The following GALNT13 variants were observed in gnomAD, a reference collection of about 807,000 sequenced individuals.
The protein encoded by GALNT13 is UDP-GalNAc:polypeptide N-acetylgalactosaminyltransferase 13.
Under a neutral mutation model 64.2 loss-of-function variants are expected in GALNT13, and 28 were observed. That is an observed-to-expected ratio of 0.44 (90% confidence interval 0.32 to 0.60). GALNT13 has a LOEUF of 0.60. Ranked by LOEUF, GALNT13 falls within the 20% of genes least tolerant of loss-of-function variation. The pLI, the probability that GALNT13 is intolerant of heterozygous loss-of-function variation, is 0.05. For missense variants in GALNT13, 577 were observed against 669.8 expected, an observed-to-expected ratio of 0.86 and a Z score of 1.53; for synonymous variants, 214 against 224.6, an observed-to-expected ratio of 0.95 and a Z score of 0.42.
At chr2:153,103,824 TCTG>T in the GALNT13 span, among the ~76,000 whole-genome samples, 4 of 152,252 alleles carry the variant, frequency 2.6e-5, no homozygotes, top group Non-Finnish European at 4.4e-5. Flanking sequence ...CAGAAATTAA[TCTG>T]CTGCTTGGCT....
chr2:153,292,182 T>A, the GALNT13 span, among the ~76,000 whole-genome samples: 2 of 152,150 alleles, frequency 1.3e-5, no homozygotes, highest in African/African-American at 4.8e-5. Flanking sequence ...GGCCAAAGGA[T>A]GTGAACCATT....
the GALNT13 span, among the ~76,000 whole-genome samples, chr2:153,509,754 T>G: frequency 6.6e-6 from 1 of 152,206 alleles, no homozygotes; most frequent in East Asian, 1.9e-4. Context: ...GGCTAGACCA[T>G]GCAAAGCTTT....
chr2:154,275,224 C>A (rs1691577532), intron 8 of GALNT13, among the ~76,000 whole-genome samples: 1 of 152,118 alleles, frequency 6.6e-6, no homozygotes, highest in Non-Finnish European at 1.5e-5. Context: ...CAGAAATTTG[C>A]ATAAGTAACA....
At chr2:153,126,273 G>T in the GALNT13 span, among the ~76,000 whole-genome samples, 2 of 134,706 alleles carry the variant, frequency 1.5e-5, no homozygotes, top group East Asian at 2.2e-4. Context: ...CAAATGCTAG[G>T]CTAAGCTCAC....
chr2:153,868,911 CTCAT>C (rs1451183085), upstream of GALNT13, among the ~76,000 whole-genome samples: 3 of 152,196 alleles, frequency 2.0e-5, no homozygotes, highest in African/African-American at 7.2e-5. Context: ...ACTTTCAACA[CTCAT>C]TCAGATAAAT....
the GALNT13 span, among the ~76,000 whole-genome samples, chr2:153,726,716 G>A: frequency 0.028 from 4,316 of 151,930 alleles, 175 homozygotes; most frequent in Admixed American, 0.13. Flanking sequence ...CCGAGGGGGC[G>A]GATCACAAGG....
the GALNT13 span, among the ~76,000 whole-genome samples, chr2:153,614,006 T>TATA: frequency 2.6e-5 from 4 of 151,086 alleles, no homozygotes; most frequent in East Asian, 3.9e-4. Flanking sequence ...AAACTTAAAG[T>TATA]ATAATAATAA....
Position 154,204,870 on chromosome 2 carries a change from T to C in GALNT13, c.312-37160T>C, listed in dbSNP as rs1237709419. On this transcript the variant is annotated intron_variant, in intron 4 of 12. Coordinates refer to ENST00000392825, the MANE Select transcript of GALNT13 (RefSeq NM_052917.4). Reference sequence around the variant, plus strand: ...TCAAGTGTCAGTTCTCCCCTCTTCATTGAGAGTTAGCTGTTTTCACAAGTC... The same window carrying C: ...TCAAGTGTCAGTTCTCCCCTCTTCACTGAGAGTTAGCTGTTTTCACAAGTC... Among the ~76,000 whole-genome samples the C allele has an allele frequency of 2.6e-5, 4 of 152,322 alleles. No individual in the cohort carries two copies. In the East Asian group the frequency reaches 5.8e-4, roughly 22 times the overall value.
At chr2:153,257,588 C>T in the GALNT13 span, among the ~76,000 whole-genome samples, 1 of 152,056 alleles carries the variant, frequency 6.6e-6, no homozygotes, top group Non-Finnish European at 1.5e-5. Context: ...CTGACTTTTC[C>T]CTTAAAAGTT....
the GALNT13 span, among the ~76,000 whole-genome samples, chr2:153,401,352 G>C: frequency 6.6e-6 from 1 of 151,858 alleles, no homozygotes; most frequent in Non-Finnish European, 1.5e-5. Context: ...CCAAGTAAGT[G>C]GTCAATTTTG....
At chr2:153,572,031 T>A in the GALNT13 span, among the ~76,000 whole-genome samples, 2 of 151,886 alleles carry the variant, frequency 1.3e-5, no homozygotes, top group Non-Finnish European at 1.5e-5. Flanking sequence ...ATATTAGTTC[T>A]CTTTAAGATT....
At chr2:153,646,610 C>A in the GALNT13 span, among the ~76,000 whole-genome samples, 1 of 152,034 alleles carries the variant, frequency 6.6e-6, no homozygotes, top group Non-Finnish European at 1.5e-5. Context: ...TATCTCTCCC[C>A]CCTCCCCCTA....
At chr2:153,789,724 A>G in the GALNT13 span, among the ~76,000 whole-genome samples, 5 of 152,242 alleles carry the variant, frequency 3.3e-5, no homozygotes, top group East Asian at 9.6e-4. Context: ...ATCCAAATAA[A>G]CACCATCAGA....
At chr2:153,227,337 C>T in the GALNT13 span, among the ~76,000 whole-genome samples, 1 of 152,026 alleles carries the variant, frequency 6.6e-6, no homozygotes, top group African/African-American at 2.4e-5. Flanking sequence ...TTTGTAGGGC[C>T]AATGTAGCAG....
chr2:154,121,151 A>T (rs762786820), intron 3 of GALNT13, among the ~76,000 whole-genome samples: 18 of 152,196 alleles, frequency 1.2e-4, no homozygotes, highest in Non-Finnish European at 2.5e-4. Context: ...TACCCTTCTA[A>T]GTCAGATTTA....
At chr2:153,392,734 C>T in the GALNT13 span, among the ~76,000 whole-genome samples, 4 of 152,024 alleles carry the variant, frequency 2.6e-5, no homozygotes, top group African/African-American at 4.8e-5. Flanking sequence ...CCAGTTCAGT[C>T]ACCTGCTTGA....
chr2:154,236,064 A>G (rs1268741116), intron 4 of GALNT13: 3 of 1,246,318 alleles, frequency 2.4e-6, no homozygotes, highest in African/African-American at 1.6e-5. Flanking sequence ...CCATGAGAAC[A>G]GCATTAGTGT....
the GALNT13 span, among the ~76,000 whole-genome samples, chr2:153,126,296 G>GTATATA: frequency 3.4e-5 from 4 of 118,846 alleles, no homozygotes; most frequent in Non-Finnish European, 6.8e-5. Flanking sequence ...TATTGATTTT[G>GTATATA]TATATATATA....
intron 8 of GALNT13, among the ~76,000 whole-genome samples, chr2:154,275,770 A>G (rs557110090): frequency 6.6e-6 from 1 of 152,332 alleles, no homozygotes; most frequent in South Asian, 2.1e-4. Context: ...TAGCTCCACC[A>G]ACAGCTTGCA....
Sources: gnomAD v4.1 joint callset for allele counts (sites outside exome capture counted in the v4.1 genomes callset) on GRCh38, gnomAD v4.1.1 for gene constraint, MANE v1.5 for transcripts, NCBI Gene and HGNC (gene_info 2026-07-23, HGNC 2026-07-21) for gene names.